AGMO: variants seen among roughly 807,000 people sequenced by gnomAD.
AGMO encodes the protein alkylglycerol monooxygenase.
In AGMO, 75 loss-of-function variants were observed where a neutral mutation model predicts 60.2. That is an observed-to-expected ratio of 1.25 (90% CI 1.03 to 1.51). AGMO has a LOEUF of 1.51. AGMO is among the 40% of genes most tolerant of loss of function. AGMO has a pLI of 0.00. For synonymous variants in AGMO, 261 were observed against 177.1 expected (o/e 1.47, Z -3.76); for missense variants, 763 against 525.5 (o/e 1.45, Z -4.42).
intron 12 of AGMO, among the ~76,000 whole-genome samples, chr7:15,291,890 C>T (rs190260007): frequency 2.8e-4 from 42 of 152,158 alleles, no homozygotes; most frequent in Admixed American, 1.0e-3. Flanking sequence ...ATAGCATTCC[C>T]GGATACAGTA....
chr7:15,224,592 G>C (rs1444151522), intron 12 of AGMO, among the ~76,000 whole-genome samples: 1 of 151,886 alleles, frequency 6.6e-6, no homozygotes, highest in Non-Finnish European at 1.5e-5. Flanking sequence ...CTCATCTATG[G>C]TATCCTATTA....
chr7:15,171,979 G>A, the AGMO span, among the ~76,000 whole-genome samples: 2 of 152,200 alleles, frequency 1.3e-5, no homozygotes, highest in South Asian at 2.1e-4. Context: ...AGTATTGAGG[G>A]CCTGGGATAA....
intron 2 of AGMO, among the ~76,000 whole-genome samples, chr7:15,548,915 AG>A (rs1192610382): frequency 6.8e-6 from 1 of 147,104 alleles, no homozygotes; most frequent in Non-Finnish European, 1.5e-5. Context: ...GCAGCCAGAG[AG>A]AAAGGTCGGG....
At chr7:15,544,710 A>G in intron 3 of AGMO, 62 bp downstream of exon 3, 1 of 1,257,450 alleles carries the variant, frequency 8.0e-7, no homozygotes, top group Non-Finnish European at 1.1e-6. Context: ...TTTACTGAAT[A>G]TGTACTATGT....
At chr7:15,364,000 G>T (rs772266049) in intron 12 of AGMO, among the ~76,000 whole-genome samples, 1 of 151,256 alleles carries the variant, frequency 6.6e-6, no homozygotes, top group Non-Finnish European at 1.5e-5. Context: ...TTGCTTTTAG[G>T]TTATAATTTG....
At chr7:15,283,611 G>A (rs1784026157) in intron 12 of AGMO, among the ~76,000 whole-genome samples, 2 of 151,876 alleles carry the variant, frequency 1.3e-5, no homozygotes, top group South Asian at 4.1e-4. Context: ...TAAAAAATGA[G>A]ATGAATAGTA....
At chr7:15,365,686 TTAATA>T (rs1201959826) in intron 11 of AGMO, 67 bp from the exon 12 acceptor site, 1 of 1,080,750 alleles carries the variant, frequency 9.3e-7, no homozygotes, top group South Asian at 1.5e-5. Context: ...CATGTTATAA[TTAATA>T]TAAACTTCTC....
the AGMO span, among the ~76,000 whole-genome samples, chr7:15,178,558 C>T: frequency 2.0e-5 from 3 of 151,528 alleles, no homozygotes; most frequent in Non-Finnish European, 4.4e-5. Flanking sequence ...TGCTTTTTTT[C>T]CTCTATCTGG....
chr7:15,397,944 T>C (rs1453901802), intron 5 of AGMO, among the ~76,000 whole-genome samples: 1 of 152,160 alleles, frequency 6.6e-6, no homozygotes, highest in African/African-American at 2.4e-5. Context: ...AAAAACTATT[T>C]GTTAAGAAAA....
chr7:15,483,962 G>A lies in AGMO; in HGVS notation c.410-52854C>T, dbSNP rs540256562. On this transcript the variant is annotated intron_variant, in intron 3 of 12. Transcript: ENST00000342526. ...TTAAGTCACGTTGTTATTGGTGCAAGGATAGAAAAATAATGCTTCAATGAA... is the reference window on the plus strand; with the variant it reads ...TTAAGTCACGTTGTTATTGGTGCAAAGATAGAAAAATAATGCTTCAATGAA... Among the ~76,000 whole-genome samples the A allele has an allele frequency of 2.3e-4, 35 of 152,224 alleles. No homozygotes were observed. In the South Asian group the frequency reaches 6.8e-3, roughly 30 times the overall value.
At position 15,430,854 on chromosome 7, in the gene AGMO, G is replaced by C. The variant is rs1781214979; in HGVS notation, c.513+151C>G. ...TGTGTCTGGCCTTACAGAAGGAAAA[G>C]AAAGATTTTAGCATCTGGCTTTAGA... On this transcript the variant is annotated intron_variant, in intron 4 of 12. Coordinates refer to ENST00000342526, the MANE Select transcript of AGMO (RefSeq NM_001004320.2). 4 of 496,078 alleles carry C rather than the reference G, an allele frequency of 8.1e-6. No homozygotes were observed. The South Asian group carries it at 1.5e-4, about 18-fold the overall frequency. The allele number at this position is 496,078 out of a possible 1,614,324, so 30.7% of individuals were successfully genotyped here.
chr7:15,499,849 A>G (rs1020915810), intron 3 of AGMO, among the ~76,000 whole-genome samples: 7 of 151,372 alleles, frequency 4.6e-5, no homozygotes, highest in African/African-American at 1.7e-4. Flanking sequence ...AAAGCAATGT[A>G]CAAATTAGGT....
intron 2 of AGMO, among the ~76,000 whole-genome samples, chr7:15,547,783 G>A (rs1025619354): frequency 2.6e-5 from 4 of 151,924 alleles, no homozygotes; most frequent in Non-Finnish European, 4.4e-5. Context: ...AAACAAAGCA[G>A]CCGGGAAGCT....
At chr7:15,426,565 A>G (rs548665364) in intron 4 of AGMO, among the ~76,000 whole-genome samples, 97 of 152,152 alleles carry the variant, frequency 6.4e-4, no homozygotes, top group Non-Finnish European at 1.1e-3. Context: ...CCTGGGCAAC[A>G]TGGCAAAACC....
chr7:15,379,514 A>G (rs555328868), intron 10 of AGMO, among the ~76,000 whole-genome samples: 4 of 152,224 alleles, frequency 2.6e-5, no homozygotes, highest in South Asian at 4.1e-4. Context: ...AATCTAGACG[A>G]ATTTCCTGGA....
chr7:15,471,511 T>C (rs1782449539), intron 3 of AGMO, among the ~76,000 whole-genome samples: 1 of 151,930 alleles, frequency 6.6e-6, no homozygotes, highest in African/African-American at 2.4e-5. Context: ...CAACCACACT[T>C]GGCAGGGCAT....
At chr7:15,128,068 T>C in the AGMO span, among the ~76,000 whole-genome samples, 1 of 152,098 alleles carries the variant, frequency 6.6e-6, no homozygotes, top group African/African-American at 2.4e-5. Context: ...TGTGTTTATT[T>C]CCTCCTCTCT....
At chr7:15,360,107 T>G (rs1392843999) in intron 12 of AGMO, among the ~76,000 whole-genome samples, 1 of 152,230 alleles carries the variant, frequency 6.6e-6, no homozygotes, top group African/African-American at 2.4e-5. Flanking sequence ...ACTTTTTGTA[T>G]GTATAATCTT....
intron 10 of AGMO, among the ~76,000 whole-genome samples, chr7:15,383,336 G>C (rs946943715): frequency 6.6e-6 from 1 of 151,916 alleles, no homozygotes; most frequent in Non-Finnish European, 1.5e-5. Context: ...GGTCCGCACT[G>C]TCTAAAGAAG....
Sources: allele counts gnomAD v4.1 joint callset (sites outside exome capture counted in the v4.1 genomes callset), GRCh38; gene constraint gnomAD v4.1.1; transcripts MANE v1.5; gene names NCBI Gene and HGNC (gene_info 2026-07-23, HGNC 2026-07-21).